MVB12B: variants seen among roughly 807,000 people sequenced by gnomAD.
MVB12B encodes multivesicular body subunit 12B.
Under a neutral mutation model 41.6 loss-of-function variants are expected in MVB12B, and 16 were observed. That is an observed-to-expected ratio of 0.38 (90% CI 0.26 to 0.58). MVB12B has a LOEUF of 0.58. MVB12B is among the 20% of genes least tolerant of loss of function. The probability of loss-of-function intolerance (pLI) is 0.62; values close to 1 mark genes in which losing one functional copy is unlikely to be tolerated. For synonymous variants in MVB12B, 133 were observed against 139.7 expected, an observed-to-expected ratio of 0.95 and a Z score of 0.34; for missense variants, 274 against 380.2, an observed-to-expected ratio of 0.72 and a Z score of 2.32.
intron 2 of MVB12B, among the ~76,000 whole-genome samples, chr9:126,379,687 T>C (rs771377184): frequency 1.4e-4 from 21 of 152,266 alleles, no homozygotes; most frequent in Non-Finnish European, 2.6e-4. Context: ...ACAAGGATTT[T>C]TTCTTTTGCC....
rs1832484597 is a variant in MVB12B at position 126,436,605 on chromosome 9, T to G, written c.757+14657T>G. The stretch of plus-strand genomic sequence containing the variant: ...TATGTGTATGTATGCAACTTGCAGC[T>G]GTGGAGCTGTAACTACATCTGTGAG... On this transcript the variant is annotated intron_variant, in intron 7 of 9. Transcript: ENST00000361171. The surrounding 1 kb of genome is among the most constrained non-coding windows in gnomAD (Gnocchi z 4.1). Among the ~76,000 whole-genome samples, 1 of 152,268 alleles carries G rather than the reference T, an allele frequency of 6.6e-6. No homozygotes were observed. The highest frequency in any genetic ancestry group is 1.5e-5 in the Non-Finnish European group (1 of 68,048).
intron 2 of MVB12B, among the ~76,000 whole-genome samples, chr9:126,346,227 A>T (rs79733988): frequency 0.025 from 3,799 of 152,270 alleles, 144 homozygotes; most frequent in African/African-American, 0.087. Context: ...GAGGCTGTGA[A>T]TTCGTGCAGA....
In MVB12B at chr9:126,478,389, G is replaced by GC. The variant is rs775953483; in HGVS notation, c.758-2976dup. 4.4e-4 allele frequency among the ~76,000 whole-genome samples: 67 copies of GC among 152,254 alleles called. No individual in the cohort carries two copies. Among genetic ancestry groups the GC allele is most frequent in the African/African-American group, 1.2e-3 (51 of 41,548 alleles). ...ACAGCAGCCCTCCCTGTCCAGCACA[G>GC]CCCCTGAGCCCCCAGGCCCTGCCCC... On this transcript the variant is annotated intron_variant, in intron 7 of 9. Transcript: ENST00000361171. This position sits in a 1 kb window ranked among gnomAD's most constrained non-coding sequence, Gnocchi z 4.2.
At chr9:126,428,225 A>G (rs1402841034) in intron 7 of MVB12B, among the ~76,000 whole-genome samples, 2 of 152,196 alleles carry the variant, frequency 1.3e-5, no homozygotes, top group Non-Finnish European at 2.9e-5. Flanking sequence ...ATTAAAAATA[A>G]TTAATGATTT....
chr9:126,381,546 C>A (rs986977355), intron 3 of MVB12B, among the ~76,000 whole-genome samples: 4 of 152,112 alleles, frequency 2.6e-5, no homozygotes, highest in Non-Finnish European at 5.9e-5. Flanking sequence ...TCAGGGAGGG[C>A]CCCTGTGACC....
At chr9:126,341,461 A>G (rs924203857) in intron 2 of MVB12B, among the ~76,000 whole-genome samples, 2 of 152,226 alleles carry the variant, frequency 1.3e-5, no homozygotes, top group African/African-American at 4.8e-5. Flanking sequence ...TTTTGTTCTT[A>G]TTCACTGAAA....
rs1191030770 is a variant in MVB12B at position 126,333,871 on chromosome 9, A to G, written c.82-6637A>G. ...CATCCATCCATCCATCCATCCATCC[A>G]TCCATCCATCCATCCATTCGTTCAT... On this transcript the variant is annotated intron_variant, in intron 1 of 9. Transcript: ENST00000361171. The surrounding 1 kb of genome is among the most constrained non-coding windows in gnomAD (Gnocchi z 4.7). 8.0e-6 allele frequency among the ~76,000 whole-genome samples: 1 copy of G among 125,574 alleles called. No individual in the cohort carries two copies. The highest frequency in any genetic ancestry group is 1.8e-5 in the Non-Finnish European group (1 of 55,238). 82.4% of individuals were successfully genotyped at this position (125,574 alleles called of 152,430 possible). A position where few individuals can be genotyped will look rare whatever the true frequency, so the allele number is the denominator to read the frequency against.
intron 6 of MVB12B, among the ~76,000 whole-genome samples, chr9:126,405,079 G>A (rs1246214895): frequency 3.3e-5 from 5 of 152,174 alleles, no homozygotes; most frequent in Admixed American, 6.5e-5. Context: ...ATGAAGAATT[G>A]ACGATTCGTC....
At chr9:126,451,213 CTT>C (rs1182557138) in intron 7 of MVB12B, among the ~76,000 whole-genome samples, 1 of 152,214 alleles carries the variant, frequency 6.6e-6, no homozygotes, top group African/African-American at 2.4e-5. Flanking sequence ...GCCTCAGCGT[CTT>C]TGACTGTAGA....
chr9:126,395,452 G>C lies in MVB12B; in HGVS notation c.540-123G>C, dbSNP rs1328987118. 1.7e-6 allele frequency: 2 copies of C among 1,187,416 alleles called. No homozygotes were observed. Among genetic ancestry groups the C allele is most frequent in the Non-Finnish European group, 2.4e-6 (2 of 827,680 alleles). 73.6% of individuals were successfully genotyped at this position (1,187,416 alleles called of 1,614,324 possible). A position where few individuals can be genotyped will look rare whatever the true frequency, so the allele number is the denominator to read the frequency against. ...GACGGTGGAACCCATTTCACGTGGA[G>C]GGCAAGAATTGATTCCCTGGTGTTT... On this transcript the variant is annotated intron_variant, in intron 5 of 9. Coordinates refer to ENST00000361171, the MANE Select transcript of MVB12B (RefSeq NM_033446.3). The surrounding 1 kb of genome is among the most constrained non-coding windows in gnomAD (Gnocchi z 4.9).
At chr9:126,380,922 G>T in intron 2 of MVB12B, 142 bp from the exon 3 acceptor site, 1 of 589,490 alleles carries the variant, frequency 1.7e-6, no homozygotes, top group Non-Finnish European at 3.0e-6. Flanking sequence ...TCTCATCCCA[G>T]TGCCTAGTGA....
chr9:126,455,967 T>G (rs1832975409), intron 7 of MVB12B, among the ~76,000 whole-genome samples: 1 of 143,280 alleles, frequency 7.0e-6, no homozygotes, highest in Admixed American at 7.4e-5. Flanking sequence ...ATCGGCTCAC[T>G]GCAAACTCCA....
intron 7 of MVB12B, among the ~76,000 whole-genome samples, chr9:126,426,722 A>G (rs1340941386): frequency 6.6e-6 from 1 of 152,226 alleles, no homozygotes; most frequent in Non-Finnish European, 1.5e-5. Context: ...GTGAATGGAA[A>G]TAGGATAGAA....
intron 7 of MVB12B, among the ~76,000 whole-genome samples, chr9:126,444,605 G>A (rs770581425): frequency 1.3e-5 from 2 of 152,002 alleles, no homozygotes; most frequent in Non-Finnish European, 2.9e-5. Context: ...ACTACCGCTT[G>A]TTTCCAGTTT....
chr9:126,490,046 AGT>A (rs1833700176), intron 9 of MVB12B, among the ~76,000 whole-genome samples: 1 of 152,192 alleles, frequency 6.6e-6, no homozygotes, highest in Non-Finnish European at 1.5e-5. Context: ...GAGCCTGGAA[AGT>A]GTAATTTCGC....
chr9:126,488,410 A>G (rs565997638), intron 9 of MVB12B, among the ~76,000 whole-genome samples: 2 of 150,956 alleles, frequency 1.3e-5, no homozygotes, highest in Non-Finnish European at 2.9e-5. Context: ...TCAGGGGCAT[A>G]GACCTTTGAC....
intron 7 of MVB12B, among the ~76,000 whole-genome samples, chr9:126,457,297 G>A (rs1833003347): frequency 6.6e-6 from 1 of 152,164 alleles, no homozygotes. Context: ...AAGAGACGAA[G>A]TGTCACTTCA....
At position 126,380,210 on chromosome 9, in the gene MVB12B, C is replaced by T. The variant is rs537300560; in HGVS notation, c.205-854C>T. On this transcript the variant is annotated intron_variant, in intron 2 of 9. Transcript: ENST00000361171. Reference sequence around the variant, plus strand: ...CCTGACCAGCGATTCACAGAGCAGTCTGGAAAGAAATAGGAAGAAAGCACC... The same window carrying T: ...CCTGACCAGCGATTCACAGAGCAGTTTGGAAAGAAATAGGAAGAAAGCACC... Among the ~76,000 whole-genome samples, 7 of 152,256 alleles carry T rather than the reference C, an allele frequency of 4.6e-5. No homozygotes were observed. The South Asian group carries it at 1.5e-3, about 32-fold the overall frequency.
rs1179701751 is a variant in MVB12B, at chr9:126,340,479, T to C, written c.82-29T>C. 6 of 1,611,214 alleles carry C rather than the reference T, an allele frequency of 3.7e-6. No homozygotes were observed. Among genetic ancestry groups the C allele is most frequent in the Admixed American group, 1.7e-5 (1 of 59,482 alleles). On this transcript the variant is annotated intron_variant, in intron 1 of 9. Transcript: ENST00000361171. This position sits in a 1 kb window ranked among gnomAD's most constrained non-coding sequence, Gnocchi z 4.0. ...TCACATAAATGCTATGTTTGAATTT[T>C]GTGTTTTCTTTTTCCTTTGCTGAAC...
Sources: allele counts gnomAD v4.1 joint callset (sites outside exome capture counted in the v4.1 genomes callset), GRCh38; gene constraint gnomAD v4.1.1; non-coding constraint Gnocchi (gnomAD v3.1); transcripts MANE v1.5; gene names NCBI Gene and HGNC (gene_info 2026-07-23, HGNC 2026-07-21).